The following PTPRQ variants were observed in gnomAD, a reference collection of about 807,000 sequenced individuals.
PTPRQ encodes the protein protein tyrosine phosphatase receptor type Q.
In PTPRQ, 199 loss-of-function variants were observed where a neutral mutation model predicts 246.0. The observed-to-expected ratio is 0.81, with a 90% CI of 0.72 to 0.91. The LOEUF (loss-of-function observed/expected upper bound fraction) is 0.91. Among genes scored for constraint, PTPRQ ranks in the 40% least tolerant of loss-of-function variants. The probability of loss-of-function intolerance (pLI) is 0.00; values close to 1 mark genes in which losing one functional copy is unlikely to be tolerated. For synonymous variants in PTPRQ, 869 were observed against 853.2 expected, an observed-to-expected ratio of 1.02 and a Z score of -0.32; for missense variants, 2,624 against 2,528.4, an observed-to-expected ratio of 1.04 and a Z score of -0.81.
Position 80,669,423 on chromosome 12 carries a change from G to A in PTPRQ, c.6412G>A (p.Val2138Ile), listed in dbSNP as rs1900896381. ...DIVITKLMED[V>I]QIDWTIRDLK... ...AGTGATTACAAAGCTAATGGAGGAT[G>A]TTCAAATAGATTGGACTATCAGGGA... Residue 2138 changes from valine to isoleucine, a missense_variant, in exon 41 of 45, where the codon GTT becomes ATT. Transcript: ENST00000644991. The A allele has an allele frequency of 1.3e-6, 2 of 1,547,018 alleles. No homozygotes were observed. Among genetic ancestry groups the A allele is most frequent in the Admixed American group, 2.0e-5 (1 of 50,756 alleles).
At chr12:80,653,817 A>G (rs1900334036) in intron 38 of PTPRQ, among the ~76,000 whole-genome samples, 1 of 152,212 alleles carries the variant, frequency 6.6e-6, no homozygotes, top group Admixed American at 6.5e-5. Flanking sequence ...AAACAAATGT[A>G]AGGAAACATG....
At chr12:80,465,309 A>C (rs1040785989) in intron 6 of PTPRQ, 4 of 152,278 alleles carry the variant, frequency 2.6e-5, no homozygotes, top group Admixed American at 2.6e-4. Context: ...AACCAGGAAG[A>C]AGTTGACTCT....
chr12:80,593,867 G>A (rs1592696630), intron 26 of PTPRQ, among the ~76,000 whole-genome samples: 1 of 152,054 alleles, frequency 6.6e-6, no homozygotes. Context: ...TGTGAAATTA[G>A]TATGAAATGG....
At chr12:80,525,570 A>AGTGT (rs368660511) in intron 17 of PTPRQ, among the ~76,000 whole-genome samples, 89 of 151,926 alleles carry the variant, frequency 5.9e-4, no homozygotes, top group African/African-American at 2.0e-3. Flanking sequence ...TTTCTCCAGG[A>AGTGT]GTGTGATCAT....
chr12:80,500,557 C>T (rs1210096787), intron 14 of PTPRQ, among the ~76,000 whole-genome samples: 1 of 151,930 alleles, frequency 6.6e-6, no homozygotes, highest in Non-Finnish European at 1.5e-5. Context: ...AGAAGTTACA[C>T]CGAGCTATAA....
intron 27 of PTPRQ, among the ~76,000 whole-genome samples, chr12:80,609,931 A>T (rs1298063771): frequency 6.6e-6 from 1 of 150,582 alleles, no homozygotes; most frequent in African/African-American, 2.4e-5. Context: ...AAAAATATTG[A>T]AATCTATGTG....
At chr12:80,615,968 T>A (rs1898740030) in intron 29 of PTPRQ, among the ~76,000 whole-genome samples, 1 of 150,916 alleles carries the variant, frequency 6.6e-6, no homozygotes, top group African/African-American at 2.4e-5. Context: ...ACTTCATTGT[T>A]AATGTTCTTC....
rs201853534 is a variant in PTPRQ, at chr12:80,494,836, GA to G, written c.1541-94del. On this transcript the variant is annotated intron_variant, in intron 10 of 44. Coordinates refer to ENST00000644991, the MANE Select transcript of PTPRQ (RefSeq NM_001145026.2). ...GCATGGAGAGATTAATGAATACGGA[GA>G]AATCAGGTTTAAGATTTTATAGTCT... 2,169 of 1,288,512 alleles carry G rather than the reference GA, an allele frequency of 1.7e-3. 30 individuals are homozygous for G. The African/African-American group carries it at 0.028, about 17-fold the overall frequency. 79.8% of individuals were successfully genotyped at this position (1,288,512 alleles called of 1,614,324 possible). A position where few individuals can be genotyped will look rare whatever the true frequency, so the allele number is the denominator to read the frequency against.
At chr12:80,569,259 A>G (rs1897071685) in intron 25 of PTPRQ, among the ~76,000 whole-genome samples, 3 of 149,402 alleles carry the variant, frequency 2.0e-5, no homozygotes, top group South Asian at 4.2e-4. Flanking sequence ...ATGATTTCCA[A>G]TTTCATCCAT....
rs1245138692 is a variant in PTPRQ at position 80,654,018 on chromosome 12, T to TC, written c.6115+1184_6115+1185insC. ...CATAATTTCTTTTTCTTTCTTTCTTTTTTTCTTTCTTTCTTTTTTTTCTTT... is the reference window on the plus strand; with the variant it reads ...CATAATTTCTTTTTCTTTCTTTCTTTCTTTTCTTTCTTTCTTTTTTTTCTTT... On this transcript the variant is annotated intron_variant, in intron 38 of 44. Coordinates refer to ENST00000644991, the MANE Select transcript of PTPRQ (RefSeq NM_001145026.2). 1.3e-3 allele frequency among the ~76,000 whole-genome samples: 204 copies of TC among 151,472 alleles called. 1 individual carries two copies. The highest frequency in any genetic ancestry group is 4.7e-3 in the African/African-American group (194 of 40,890).
chr12:80,518,111 G>C (rs1895361111), intron 17 of PTPRQ, among the ~76,000 whole-genome samples: 1 of 152,108 alleles, frequency 6.6e-6, no homozygotes, highest in Admixed American at 6.5e-5. Flanking sequence ...CAGTGTACAA[G>C]GGTTCCCTTT....
At chr12:80,641,903 C>CGCTCTT (rs1311142678) in intron 35 of PTPRQ, among the ~76,000 whole-genome samples, 22 of 148,578 alleles carry the variant, frequency 1.5e-4, no homozygotes, top group African/African-American at 4.9e-4. Flanking sequence ...CTCTCGCTCT[C>CGCTCTT]TCTCTTTCTC....
intron 39 of PTPRQ, among the ~76,000 whole-genome samples, chr12:80,660,631 C>T (rs1466743331): frequency 6.6e-6 from 1 of 151,982 alleles, no homozygotes; most frequent in South Asian, 2.1e-4. Context: ...ATTTCAGATG[C>T]CTGCAATTAC....
chr12:80,609,129 A>C (rs754775271), intron 27 of PTPRQ, among the ~76,000 whole-genome samples: 59 of 150,278 alleles, frequency 3.9e-4, no homozygotes, highest in Non-Finnish European at 7.5e-4. Flanking sequence ...TCATCCTTTT[A>C]CTATGTTTCT....
intron 29 of PTPRQ, among the ~76,000 whole-genome samples, chr12:80,615,364 TA>T (rs1364349325): frequency 6.6e-6 from 1 of 151,006 alleles, no homozygotes; most frequent in African/African-American, 2.4e-5. Flanking sequence ...CACTAATATA[TA>T]AAACAAATTA....
chr12:80,493,177 C>T (rs904196376), intron 9 of PTPRQ, 98 bp from the exon 10 acceptor site: 18 of 1,266,818 alleles, frequency 1.4e-5, no homozygotes, highest in Non-Finnish European at 1.6e-5. Flanking sequence ...TTTATAACAG[C>T]ATGATTCCAA....
At chr12:80,551,285 A>G (rs1360747388) in intron 25 of PTPRQ, among the ~76,000 whole-genome samples, 1 of 152,076 alleles carries the variant, frequency 6.6e-6, no homozygotes, top group Non-Finnish European at 1.5e-5. Context: ...TCATAGTTTT[A>G]TACAATTCCT....
chr12:80,641,649 A>T (rs1369616381), intron 35 of PTPRQ, among the ~76,000 whole-genome samples: 1 of 152,178 alleles, frequency 6.6e-6, no homozygotes, highest in Non-Finnish European at 1.5e-5. Flanking sequence ...TGGGGTTCAA[A>T]CATTTGTCAA....
rs1345678678 is a variant in PTPRQ at position 80,486,987 on chromosome 12, C to T, written c.1359+2382C>T. On this transcript the variant is annotated intron_variant, in intron 9 of 44. Coordinates refer to ENST00000644991, the MANE Select transcript of PTPRQ (RefSeq NM_001145026.2). ...CAATTAAAAATGAAAGTTCAAAAAG[C>T]TAACTCTCTCTATTTTCTAACTTTT... Among the ~76,000 whole-genome samples the T allele has an allele frequency of 2.0e-5, 3 of 152,238 alleles. No homozygotes were observed. The East Asian group carries it at 5.8e-4, about 29-fold the overall frequency.
Sources: gnomAD v4.1 joint callset for allele counts (sites outside exome capture counted in the v4.1 genomes callset) on GRCh38, gnomAD v4.1.1 for gene constraint, MANE v1.5 for transcripts, NCBI Gene and HGNC (gene_info 2026-07-23, HGNC 2026-07-21) for gene names.